PPFIA2: variants seen among roughly 807,000 people sequenced by gnomAD.
The protein encoded by PPFIA2 is PPFI scaffold protein A2, also known as liprin-alpha-2.
In PPFIA2, 46 loss-of-function variants were observed where a neutral mutation model predicts 175.5. That is an observed-to-expected ratio of 0.26 (90% CI 0.21 to 0.34). PPFIA2 has a LOEUF of 0.34. PPFIA2 is among the 10% of genes least tolerant of loss of function. PPFIA2 has a pLI of 1.00. For synonymous variants in PPFIA2, 568 were observed against 511.4 expected (o/e 1.11, Z -1.49); for missense variants, 1,179 against 1,506.1 (o/e 0.78, Z 3.60).
intron 3 of PPFIA2, among the ~76,000 whole-genome samples, chr12:81,693,524 C>A (rs1472845827): frequency 1.3e-5 from 2 of 152,092 alleles, no homozygotes; most frequent in African/African-American, 2.4e-5. Flanking sequence ...CCTTGTAAAG[C>A]CTGCAGAACT....
chr12:81,745,776 A>T (rs1037186421), intron 3 of PPFIA2, among the ~76,000 whole-genome samples: 1 of 152,130 alleles, frequency 6.6e-6, no homozygotes, highest in Non-Finnish European at 1.5e-5. Flanking sequence ...ATGGGCATCC[A>T]CAGCCACTGT....
chr12:81,726,170 T>C (rs1222082356), intron 3 of PPFIA2, among the ~76,000 whole-genome samples: 2 of 151,202 alleles, frequency 1.3e-5, no homozygotes, highest in African/African-American at 4.8e-5. Context: ...AAAAATAATG[T>C]ATTTTTCTAC....
chr12:81,649,452 T>C (rs1024137958), intron 4 of PPFIA2, among the ~76,000 whole-genome samples: 1 of 152,212 alleles, frequency 6.6e-6, no homozygotes, highest in African/African-American at 2.4e-5. Context: ...AGAATTCTCA[T>C]ACATTATTGT....
intron 28 of PPFIA2, 46 bp from the exon 29 acceptor site, chr12:81,268,133 T>TTTA: frequency 7.6e-6 from 2 of 264,058 alleles, no homozygotes; most frequent in Non-Finnish European, 1.1e-5. Context: ...TTTTTCTTTC[T>TTTA]TTTTTTTTTT....
chr12:81,709,566 G>A (rs1179801408), intron 3 of PPFIA2, among the ~76,000 whole-genome samples: 1 of 151,732 alleles, frequency 6.6e-6, no homozygotes, highest in Non-Finnish European at 1.5e-5. Flanking sequence ...TTGTAAATAT[G>A]TCATATATAT....
At chr12:81,373,684 C>T (rs1257874404) in intron 11 of PPFIA2, among the ~76,000 whole-genome samples, 2 of 151,372 alleles carry the variant, frequency 1.3e-5, no homozygotes, top group Non-Finnish European at 2.9e-5. Context: ...GAAGATCAGT[C>T]CACTGTTCAT....
At chr12:81,358,252 T>G in intron 15 of PPFIA2, 35 bp from the exon 16 acceptor site, 2 of 1,538,434 alleles carry the variant, frequency 1.3e-6, no homozygotes, top group Non-Finnish European at 1.8e-6. Flanking sequence ...TAATCCAATC[T>G]CAAAAATTAA....
rs2072646035 is a variant in PPFIA2, at chr12:81,676,970, G to T, written c.250-126C>A. On this transcript the variant is annotated intron_variant, in intron 3 of 32. Coordinates refer to ENST00000549396, the MANE Select transcript of PPFIA2 (RefSeq NM_003625.5). ...ATGTCAGCTATTTTATTATTTTTTTGCAATCTTGGACACTGTAGTACTATA... is the reference window on the plus strand; with the variant it reads ...ATGTCAGCTATTTTATTATTTTTTTTCAATCTTGGACACTGTAGTACTATA... 1.5e-5 allele frequency: 9 copies of T among 587,512 alleles called. No individual in the cohort carries two copies. In the Admixed American group the frequency reaches 2.9e-4, roughly 19 times the overall value. 36.4% of individuals were successfully genotyped at this position (587,512 alleles called of 1,614,324 possible). A position where few individuals can be genotyped will look rare whatever the true frequency, so the allele number is the denominator to read the frequency against.
intron 22 of PPFIA2, among the ~76,000 whole-genome samples, chr12:81,315,162 G>C (rs572646593): frequency 5.7e-4 from 87 of 151,948 alleles, no homozygotes; most frequent in African/African-American, 2.0e-3. Context: ...AGTTTGAGGA[G>C]AGTGGAGGTT....
At chr12:81,706,992 C>T (rs2077241425) in intron 3 of PPFIA2, among the ~76,000 whole-genome samples, 1 of 152,058 alleles carries the variant, frequency 6.6e-6, no homozygotes, top group South Asian at 2.1e-4. Flanking sequence ...AACTGGATCC[C>T]TTCCTTACAC....
chr12:81,624,556 A>G (rs1370616453), intron 4 of PPFIA2, among the ~76,000 whole-genome samples: 2 of 146,380 alleles, frequency 1.4e-5, no homozygotes, highest in Non-Finnish European at 3.0e-5. Flanking sequence ...ATAACAAAAT[A>G]TATATTTTAT....
chr12:81,664,103 C>A (rs946842435), intron 4 of PPFIA2, among the ~76,000 whole-genome samples: 3 of 152,140 alleles, frequency 2.0e-5, no homozygotes, highest in Non-Finnish European at 4.4e-5. Flanking sequence ...AAAACCTAGG[C>A]AATACCATTC....
intron 5 of PPFIA2, among the ~76,000 whole-genome samples, chr12:81,452,282 CCTT>C (rs1199594467): frequency 7.9e-5 from 12 of 152,148 alleles, no homozygotes; most frequent in Non-Finnish European, 1.5e-5. Context: ...TTCAACAAAA[CCTT>C]GTGAATAGTT....
intron 4 of PPFIA2, among the ~76,000 whole-genome samples, chr12:81,503,631 A>G (rs1346038310): frequency 2.0e-5 from 3 of 152,092 alleles, no homozygotes; most frequent in Non-Finnish European, 4.4e-5. Context: ...ATTTTTATAA[A>G]CTTATAGATA....
At chr12:81,482,602 C>G (rs954731529) in intron 4 of PPFIA2, among the ~76,000 whole-genome samples, 2 of 152,100 alleles carry the variant, frequency 1.3e-5, no homozygotes, top group Admixed American at 6.6e-5. Context: ...ATGGATGAAG[C>G]TGGAAACCAT....
At chr12:81,366,031 T>TTCCC (rs200274619) in intron 14 of PPFIA2, among the ~76,000 whole-genome samples, 27 of 97,568 alleles carry the variant, frequency 2.8e-4, no homozygotes, top group African/African-American at 9.5e-4. Context: ...CCTTCCTTCC[T>TTCCC]TCCCTCCCTC....
At chr12:81,312,790 A>G (rs965105419) in intron 22 of PPFIA2, among the ~76,000 whole-genome samples, 1 of 152,214 alleles carries the variant, frequency 6.6e-6, no homozygotes, top group Non-Finnish European at 1.5e-5. Context: ...AGTCCATTCC[A>G]GATCCATAAT....
intron 15 of PPFIA2, among the ~76,000 whole-genome samples, chr12:81,360,725 A>G (rs2061465707): frequency 6.6e-6 from 1 of 151,724 alleles, no homozygotes; most frequent in African/African-American, 2.4e-5. Flanking sequence ...AGAAGCATGA[A>G]TGTTCTATAA....
intron 4 of PPFIA2, among the ~76,000 whole-genome samples, chr12:81,649,052 CTTTA>C (rs2066612904): frequency 6.6e-6 from 1 of 151,148 alleles, no homozygotes; most frequent in Non-Finnish European, 1.5e-5. Context: ...TCTTTGTCAC[CTTTA>C]TTTAGAGAAA....
Sources: allele counts gnomAD v4.1 joint callset (sites outside exome capture counted in the v4.1 genomes callset), GRCh38; gene constraint gnomAD v4.1.1; transcripts MANE v1.5; gene names NCBI Gene and HGNC (gene_info 2026-07-23, HGNC 2026-07-21).